The following WNT3A variants were observed in gnomAD, a reference collection of about 807,000 sequenced individuals.
WNT3A encodes the protein protein Wnt-3a.
In WNT3A, 17 loss-of-function variants were observed where a neutral mutation model predicts 37.0. The ratio of observed to expected loss-of-function variants is 0.46; its 90% CI spans 0.31 to 0.69. The LOEUF (loss-of-function observed/expected upper bound fraction) is 0.69, where lower values mean the gene tolerates loss of function less well. Ranked by LOEUF, WNT3A falls within the 30% of genes least tolerant of loss-of-function variation. WNT3A has a pLI of 0.05. For synonymous variants in WNT3A, 187 were observed against 211.0 expected (o/e 0.89, Z 0.99); for missense variants, 411 against 510.2 (o/e 0.81, Z 1.87).
chr1:228,036,798 GGGCAGGGAC>G (rs1263949342), intron 2 of WNT3A, among the ~76,000 whole-genome samples: 1 of 152,212 alleles, frequency 6.6e-6, no homozygotes, highest in Non-Finnish European at 1.5e-5. Context: ...TACAGAGAAA[GGGCAGGGAC>G]GGCTGCAGTG....
chr1:228,049,196 C>T (rs1362036618), intron 2 of WNT3A, among the ~76,000 whole-genome samples: 1 of 152,068 alleles, frequency 6.6e-6, no homozygotes, highest in South Asian at 2.1e-4. Context: ...ATGCAAGTGT[C>T]GGTGCTTGGG....
At position 228,046,340 on chromosome 1, in the gene WNT3A, T is replaced by A. The variant is rs182805097; in HGVS notation, c.314-4316T>A. Among the ~76,000 whole-genome samples the A allele has an allele frequency of 1.3e-5, 2 of 151,366 alleles. 1 individual carries two copies. Among genetic ancestry groups the A allele is most frequent in the Admixed American group, 1.3e-4 (2 of 15,230 alleles). ...GTGTGTGTGTGTGCATCTGTGTGCATGCATGTGTTTGTGTGTGGTGGGTTG... is the reference window on the plus strand; with the variant it reads ...GTGTGTGTGTGTGCATCTGTGTGCAAGCATGTGTTTGTGTGTGGTGGGTTG... On this transcript the variant is annotated intron_variant, in intron 2 of 3. Transcript: ENST00000284523.
chr1:228,035,001 G>A lies in WNT3A; in HGVS notation c.313+12093G>A, dbSNP rs547561397. On this transcript the variant is annotated intron_variant, in intron 2 of 3. Transcript: ENST00000284523. ...TATGCCACACAGGTATACATGTGGCGCAAATGTACACAGTCGGTCCCCTGG... is the reference window on the plus strand; with the variant it reads ...TATGCCACACAGGTATACATGTGGCACAAATGTACACAGTCGGTCCCCTGG... Among the ~76,000 whole-genome samples the A allele has an allele frequency of 4.6e-5, 7 of 152,196 alleles. 1 individual carries two copies. The South Asian group carries it at 1.2e-3, about 27-fold the overall frequency.
Position 228,059,778 on chromosome 1 carries a change from GGGGCTTCTCTTGGGTGGGACA to G in WNT3A, c.*323_*343del, listed in dbSNP as rs1211941124. The G allele has an allele frequency of 8.5e-7, 1 of 1,181,412 alleles. No homozygotes were observed. Among genetic ancestry groups the G allele is most frequent in the African/African-American group, 1.6e-5 (1 of 62,408 alleles). 73.2% of individuals were successfully genotyped at this position (1,181,412 alleles called of 1,614,324 possible). ...ACAGAGGCGGGGCTACAGATTGGGC[GGGGCTTCTCTTGGGTGGGACA>G]GGGCTTCTCCTGCGGGGGCGAGGCC... On this transcript the variant is annotated 3_prime_UTR_variant, in exon 4 of 4. Coordinates refer to ENST00000284523, the MANE Select transcript of WNT3A (RefSeq NM_033131.4).
chr1:228,022,330 T>C (rs1466667356), intron 1 of WNT3A, among the ~76,000 whole-genome samples: 1 of 151,994 alleles, frequency 6.6e-6, no homozygotes, highest in African/African-American at 2.4e-5. Context: ...GCTCTGGTGG[T>C]GTGTGCCTGT....
intron 1 of WNT3A, among the ~76,000 whole-genome samples, chr1:228,016,950 G>T (rs12747212): frequency 1.3e-5 from 2 of 152,120 alleles, no homozygotes; most frequent in African/African-American, 2.4e-5. Context: ...AATGGGTGGG[G>T]CCCACTAGGC....
In WNT3A at chr1:228,031,441, G is replaced by A. The variant is rs1007301784; in HGVS notation, c.313+8533G>A. ...CTGGAGATAGCTGCCAGGGTGCACA[G>A]GAGTCAGGTCCCAGGGCCGTGCAGC... On this transcript the variant is annotated intron_variant, in intron 2 of 3. Coordinates refer to ENST00000284523, the MANE Select transcript of WNT3A (RefSeq NM_033131.4). The surrounding 1 kb of genome is among the most constrained non-coding windows in gnomAD (Gnocchi z 4.8). Among the ~76,000 whole-genome samples the A allele has an allele frequency of 1.3e-5, 2 of 152,206 alleles. No homozygotes were observed. The highest frequency in any genetic ancestry group is 2.9e-5 in the Non-Finnish European group (2 of 68,040).
At position 228,007,226 on chromosome 1, in the gene WNT3A, C is replaced by T. The variant is rs890672640; in HGVS notation, c.71+27C>T. On this transcript the variant is annotated intron_variant, in intron 1 of 3. Transcript: ENST00000284523. This position sits in a 1 kb window ranked among gnomAD's most constrained non-coding sequence, Gnocchi z 6.0. Reference sequence around the variant, plus strand: ...TGAGTGAGCCTCCTCGCGTTCGCCCCTGCCCCTGTGCGCCGCGCCCGCAGC... The same window carrying T: ...TGAGTGAGCCTCCTCGCGTTCGCCCTTGCCCCTGTGCGCCGCGCCCGCAGC... 1.3e-6 allele frequency: 2 copies of T among 1,590,318 alleles called. No homozygotes were observed. The highest frequency in any genetic ancestry group is 8.6e-7 in the Non-Finnish European group (1 of 1,168,942).
chr1:228,051,058 G>A (rs992297664), intron 3 of WNT3A, 137 bp downstream of exon 3: 3 of 1,193,676 alleles, frequency 2.5e-6, no homozygotes, highest in African/African-American at 3.1e-5. Flanking sequence ...CCTGCCTGGG[G>A]TGTGCGAAGC....
chr1:228,057,655 G>C (rs910389170), intron 3 of WNT3A, among the ~76,000 whole-genome samples: 1 of 152,204 alleles, frequency 6.6e-6, no homozygotes, highest in African/African-American at 2.4e-5. Context: ...GAGGAGGCAG[G>C]ATTGGGACCC....
Position 228,059,393 on chromosome 1 carries a change from C to G in WNT3A, c.987C>G (p.Cys329Trp). The G allele has an allele frequency of 6.4e-7, 1 of 1,561,104 alleles. No homozygotes were observed. ...RAERRREKCR[C>W]VFHWCCYVSC... ...AGCGGCGCCGGGAGAAGTGCCGCTG[C>G]GTGTTCCACTGGTGCTGCTACGTCA... is the stretch of plus-strand genomic sequence containing the variant. Residue 329 changes from cysteine (C) to tryptophan (W), a missense_variant, in exon 4 of 4, where the codon TGC becomes TGG. Transcript: ENST00000284523.
At chr1:228,051,053 C>A in intron 3 of WNT3A, 132 bp downstream of exon 3, 1 of 1,211,840 alleles carries the variant, frequency 8.3e-7, no homozygotes, top group Non-Finnish European at 1.1e-6. Context: ...CGACCCCTGC[C>A]TGGGGTGTGC....
chr1:228,047,835 A>G (rs925584735), intron 2 of WNT3A, among the ~76,000 whole-genome samples: 4 of 152,016 alleles, frequency 2.6e-5, no homozygotes, highest in African/African-American at 9.7e-5. Flanking sequence ...CTTTTAAACA[A>G]CCAGATCTTG....
intron 2 of WNT3A, among the ~76,000 whole-genome samples, chr1:228,027,516 C>G (rs2030880916): frequency 6.6e-6 from 1 of 152,142 alleles, no homozygotes. Context: ...TTGTGTTTCC[C>G]TCATGATTAG....
intron 3 of WNT3A, among the ~76,000 whole-genome samples, chr1:228,057,786 AG>A (rs2031709391): frequency 6.6e-6 from 1 of 152,240 alleles, no homozygotes; most frequent in African/African-American, 2.4e-5. Flanking sequence ...TAAATTTTCT[AG>A]TAGCCACATT....
chr1:228,039,129 A>G lies in WNT3A; in HGVS notation c.314-11527A>G, dbSNP rs1435100607. ...GACAGTCAGCATTGCCAGGGGAAAG[A>G]GACGAAGCCACAGGTTTCCAGGGGC... On this transcript the variant is annotated intron_variant, in intron 2 of 3. Coordinates refer to ENST00000284523, the MANE Select transcript of WNT3A (RefSeq NM_033131.4). This position sits in a 1 kb window ranked among gnomAD's most constrained non-coding sequence, Gnocchi z 4.1. Among the ~76,000 whole-genome samples, 1 of 152,130 alleles carries G rather than the reference A, an allele frequency of 6.6e-6. No homozygotes were observed. Among genetic ancestry groups the G allele is most frequent in the Non-Finnish European group, 1.5e-5 (1 of 68,002 alleles).
chr1:228,035,565 T>A (rs2031116673), intron 2 of WNT3A, among the ~76,000 whole-genome samples: 1 of 152,150 alleles, frequency 6.6e-6, no homozygotes, highest in Non-Finnish European at 1.5e-5. Context: ...CCGGTCCCCA[T>A]GTGTGCATCC....
At chr1:228,057,839 T>TGGTTG (rs1410667614) in intron 3 of WNT3A, among the ~76,000 whole-genome samples, 1 of 152,248 alleles carries the variant, frequency 6.6e-6, no homozygotes, top group African/African-American at 2.4e-5. Context: ...GGTTTTGATT[T>TGGTTG]GGTTTGGTTT....
rs2031521116 is a variant in WNT3A, at chr1:228,050,556, G to A, written c.314-100G>A. The A allele has an allele frequency of 7.0e-7, 1 of 1,429,688 alleles. No individual in the cohort carries two copies. The highest frequency in any genetic ancestry group is 1.5e-5 in the South Asian group (1 of 68,330). 88.6% of individuals were successfully genotyped at this position (1,429,688 alleles called of 1,614,324 possible). A position where few individuals can be genotyped will look rare whatever the true frequency, so the allele number is the denominator to read the frequency against. On this transcript the variant is annotated intron_variant, in intron 2 of 3. Coordinates refer to ENST00000284523, the MANE Select transcript of WNT3A (RefSeq NM_033131.4). This position sits in a 1 kb window ranked among gnomAD's most constrained non-coding sequence, Gnocchi z 5.0. Reference sequence around the variant, plus strand: ...CCTTATACACCACCCAACCTCACGAGTTCCTTTATAACAATGCAAATGGGC... The same window carrying A: ...CCTTATACACCACCCAACCTCACGAATTCCTTTATAACAATGCAAATGGGC...
Sources: gnomAD v4.1 joint callset for allele counts (sites outside exome capture counted in the v4.1 genomes callset) on GRCh38, gnomAD v4.1.1 for gene constraint, Gnocchi (gnomAD v3.1) non-coding constraint, MANE v1.5 for transcripts, NCBI Gene and HGNC (gene_info 2026-07-23, HGNC 2026-07-21) for gene names.